The following CSPP1 variants were observed in gnomAD, a reference collection of about 807,000 sequenced individuals.
CSPP1 encodes the protein centrosome and spindle pole-associated protein 1.
In CSPP1, 126 loss-of-function variants were observed where a neutral mutation model predicts 164.4. That is an observed-to-expected ratio of 0.77 (90% confidence interval 0.66 to 0.89). The LOEUF is 0.89. Ranked by LOEUF, CSPP1 falls within the 40% of genes least tolerant of loss-of-function variation. CSPP1 has a pLI of 0.00. For missense variants in CSPP1, 1,395 were observed against 1,449.8 expected (o/e 0.96, Z 0.61); for synonymous variants, 472 against 476.7 (o/e 0.99, Z 0.13).
At chr8:67,126,500 A>G (rs1283697432) in intron 15 of CSPP1, among the ~76,000 whole-genome samples, 1 of 152,148 alleles carries the variant, frequency 6.6e-6, no homozygotes, top group Non-Finnish European at 1.5e-5. Context: ...AGATTTCTTT[A>G]AAAGCTTTGA....
At position 67,195,512 on chromosome 8, in the gene CSPP1, G is replaced by A. The variant is rs760074883; in HGVS notation, c.3600G>A (p.Glu1200=). 3 of 1,614,206 alleles carry A rather than the reference G, an allele frequency of 1.9e-6. No homozygotes were observed. The highest frequency in any genetic ancestry group is 2.5e-6 in the Non-Finnish European group (3 of 1,180,034). Residue 1200 remains glutamate, a synonymous_variant, in exon 31 of 31, where the codon GAG becomes GAA. Coordinates refer to ENST00000678616, the MANE Select transcript of CSPP1 (RefSeq NM_001382391.1). ...AAACGCTGAAACGTTTCATGGCAGA[G>A]CAGCTGAACCAGGAGCAGCAGCAGA... is the stretch of plus-strand genomic sequence containing the variant. ...TSETLKRFMA[E]QLNQEQQQIP... is the part of the protein sequence containing the mutation.
At chr8:67,170,975 A>G (rs1171822907) in intron 24 of CSPP1, among the ~76,000 whole-genome samples, 5 of 150,926 alleles carry the variant, frequency 3.3e-5, no homozygotes, top group Admixed American at 3.3e-4. Context: ...TTTAGTAGAG[A>G]TGGGGTTTCA....
intron 4 of CSPP1, among the ~76,000 whole-genome samples, chr8:67,089,503 C>G (rs1319517700): frequency 6.6e-6 from 1 of 152,192 alleles, no homozygotes; most frequent in Non-Finnish European, 1.5e-5. Context: ...GGCTGATAAA[C>G]CTGCACTATC....
At chr8:67,171,673 G>A (rs1440498286) in intron 24 of CSPP1, among the ~76,000 whole-genome samples, 1 of 151,626 alleles carries the variant, frequency 6.6e-6, no homozygotes, top group African/African-American at 2.4e-5. Context: ...TCAGCCTCCC[G>A]AGTAGGTGGT....
chr8:67,085,954 A>G (rs1160156184), intron 3 of CSPP1, 53 bp from the exon 4 acceptor site: 11 of 800,064 alleles, frequency 1.4e-5, no homozygotes, highest in African/African-American at 1.7e-5. Context: ...AGGAAGTAGA[A>G]CTTTGAGATT....
At chr8:67,096,391 CCT>C (rs1812774474) in intron 7 of CSPP1, among the ~76,000 whole-genome samples, 1 of 151,938 alleles carries the variant, frequency 6.6e-6, no homozygotes, top group African/African-American at 2.4e-5. Context: ...AGGGTGAAAC[CCT>C]GTCTCTACTA....
chr8:67,158,860 C>T (rs1467071979), intron 20 of CSPP1, 131 bp from the exon 21 acceptor site: 9 of 937,584 alleles, frequency 9.6e-6, no homozygotes, highest in Non-Finnish European at 1.4e-5. Flanking sequence ...AAGCAGACAA[C>T]TTATGTTAAA....
intron 12 of CSPP1, 26 bp from the exon 13 acceptor site, chr8:67,115,884 TAACA>T: frequency 1.3e-6 from 2 of 1,576,308 alleles, no homozygotes; most frequent in Non-Finnish European, 1.7e-6. Flanking sequence ...TGATTATATG[TAACA>T]AACAGATTTT....
chr8:67,084,522 C>T (rs1182229146), intron 3 of CSPP1, among the ~76,000 whole-genome samples: 1 of 152,106 alleles, frequency 6.6e-6, no homozygotes, highest in African/African-American at 2.4e-5. Context: ...ATTTTTATAT[C>T]AGTTTATAAA....
intron 30 of CSPP1, among the ~76,000 whole-genome samples, chr8:67,194,230 T>G (rs2129576183): frequency 6.6e-6 from 1 of 152,344 alleles, no homozygotes; most frequent in South Asian, 2.1e-4. Context: ...ACTTTCATAT[T>G]GGTAATAATA....
At chr8:67,080,349 A>G (rs1019492264) in intron 3 of CSPP1, among the ~76,000 whole-genome samples, 3 of 152,252 alleles carry the variant, frequency 2.0e-5, no homozygotes, top group East Asian at 3.8e-4. Context: ...TTGATAGCTC[A>G]TAGTACAACT....
Position 67,149,859 on chromosome 8 carries a change from G to T in CSPP1, c.2052G>T (p.Arg684Ser). The T allele has an allele frequency of 6.2e-7, 1 of 1,608,560 alleles. No individual in the cohort carries two copies. Among genetic ancestry groups the T allele is most frequent in the South Asian group, 1.1e-5 (1 of 90,048 alleles). ...NPDARTYEDK[R>S]AVVSLDPNLA... Reference sequence around the variant, plus strand: ...ATGCAAGAACATATGAAGATAAAAGGGCTGTTGTATCTCTAGACCCAAATT... The same window carrying T: ...ATGCAAGAACATATGAAGATAAAAGTGCTGTTGTATCTCTAGACCCAAATT... Residue 684 changes from arginine to serine, a missense_variant, in exon 18 of 31, where the codon AGG becomes AGT. Arg to Ser is a moderately radical substitution (Grantham distance 110). Coordinates refer to ENST00000678616, the MANE Select transcript of CSPP1 (RefSeq NM_001382391.1).
intron 4 of CSPP1, 21 bp downstream of exon 4, chr8:67,086,131 G>C (rs1166492685): frequency 9.7e-7 from 1 of 1,035,858 alleles, no homozygotes; most frequent in Middle Eastern, 2.0e-4. Context: ...CTATTAATGA[G>C]TTGGGTTTAA....
intron 12 of CSPP1, chr8:67,115,020 T>C (rs2129550653): frequency 6.6e-6 from 1 of 152,368 alleles, no homozygotes; most frequent in Middle Eastern, 3.4e-3. Flanking sequence ...CTACCTGTTT[T>C]CATAAAAAAA....
intron 7 of CSPP1, among the ~76,000 whole-genome samples, 159 bp downstream of exon 7, chr8:67,095,891 A>G (rs936550999): frequency 4.6e-5 from 7 of 152,158 alleles, no homozygotes; most frequent in Non-Finnish European, 1.0e-4. Context: ...TCATTATTTT[A>G]TGTCCCACTG....
intron 28 of CSPP1, among the ~76,000 whole-genome samples, chr8:67,189,972 TG>T (rs1237664954): frequency 1.3e-5 from 2 of 152,178 alleles, no homozygotes; most frequent in African/African-American, 4.8e-5. Context: ...TTGGTGAGGA[TG>T]TGGGGAAATT....
intron 12 of CSPP1, chr8:67,114,997 C>G (rs1275009685): frequency 6.6e-6 from 1 of 152,202 alleles, no homozygotes; most frequent in Non-Finnish European, 1.5e-5. Context: ...TGGCCTGTGA[C>G]CAAATTTGTT....
chr8:67,084,448 T>C (rs969101599), intron 3 of CSPP1: 5 of 152,240 alleles, frequency 3.3e-5, no homozygotes, highest in African/African-American at 1.2e-4. Context: ...AGCAGTGATA[T>C]GACACATTCT....
intron 28 of CSPP1, among the ~76,000 whole-genome samples, chr8:67,188,545 T>C (rs901560986): frequency 1.3e-5 from 2 of 152,218 alleles, no homozygotes; most frequent in Non-Finnish European, 2.9e-5. Flanking sequence ...GCAACCCGTT[T>C]TGGGTCCCCT....
Sources: gnomAD v4.1 joint callset for allele counts (sites outside exome capture counted in the v4.1 genomes callset) on GRCh38, gnomAD v4.1.1 for gene constraint, MANE v1.5 for transcripts, NCBI Gene and HGNC (gene_info 2026-07-23, HGNC 2026-07-21) for gene names.